Variants in WDHD1 observed in about 807,000 individuals in gnomAD.
The protein encoded by WDHD1 is WD repeat and HMG-box DNA binding protein 1.
In WDHD1, 111 loss-of-function variants were observed where a neutral mutation model predicts 135.4. That is an observed-to-expected ratio of 0.82 (90% CI 0.70 to 0.96). The LOEUF is 0.96. Among genes scored for constraint, WDHD1 ranks in the 40% least tolerant of loss-of-function variants. WDHD1 has a pLI of 0.00. For synonymous variants in WDHD1, 434 were observed against 439.0 expected (o/e 0.99, Z 0.14); for missense variants, 1,351 against 1,336.3 (o/e 1.01, Z -0.17).
At chr14:54,970,979 A>G (rs1465519813) in intron 16 of WDHD1, among the ~76,000 whole-genome samples, 4 of 152,202 alleles carry the variant, frequency 2.6e-5, no homozygotes, top group Admixed American at 2.6e-4. Flanking sequence ...GACAAAAACA[A>G]GGAACTGGGA....
chr14:55,012,435 G>A (rs2042186361), intron 3 of WDHD1, among the ~76,000 whole-genome samples: 1 of 152,142 alleles, frequency 6.6e-6, no homozygotes, highest in Non-Finnish European at 1.5e-5. Flanking sequence ...CTTTCTCCAA[G>A]TAACCTACAT....
intron 10 of WDHD1, among the ~76,000 whole-genome samples, chr14:54,996,014 C>G (rs771263596): frequency 2.0e-5 from 3 of 152,004 alleles, no homozygotes; most frequent in Non-Finnish European, 4.4e-5. Context: ...TTTCAAATGC[C>G]TTGTAGTCTG....
chr14:55,024,408 T>C (rs575355317), intron 2 of WDHD1, among the ~76,000 whole-genome samples: 11 of 152,348 alleles, frequency 7.2e-5, no homozygotes, highest in African/African-American at 2.6e-4. Context: ...AATGTAGACG[T>C]TATCCCTGTT....
chr14:55,010,489 T>C (rs1276707683), intron 3 of WDHD1, 29 bp from the exon 4 acceptor site: 3 of 1,510,762 alleles, frequency 2.0e-6, no homozygotes, highest in Admixed American at 2.2e-5. Context: ...TAAGAAACAT[T>C]AGCAAAACAA....
intron 2 of WDHD1, 22 bp downstream of exon 2, chr14:55,026,689 G>C (rs74359309): frequency 6.2e-7 from 1 of 1,612,328 alleles, no homozygotes; most frequent in South Asian, 1.1e-5. Flanking sequence ...CACCTAAAAC[G>C]TTGTTTCTCA....
rs776710009 is a variant in WDHD1 at position 55,007,319 on chromosome 14, T to C, written c.561A>G (p.Lys187=). ...GCTGCCAAGCAAGTCTGCAGATTGA[T>C]TTTGCATTTATCACATCGTTGCATT... ...LQKCNDVINA[K]SICRLAWQPK... The change falls in exon 7 of 26, where the codon AAA becomes AAG. Residue 187 remains lysine, a synonymous_variant. Coordinates refer to ENST00000360586, the MANE Select transcript of WDHD1 (RefSeq NM_007086.4). The C allele has an allele frequency of 6.2e-7, 1 of 1,607,680 alleles. No homozygotes were observed. Among genetic ancestry groups the C allele is most frequent in the Admixed American group, 1.7e-5 (1 of 59,456 alleles).
intron 7 of WDHD1, 62 bp downstream of exon 7, chr14:55,007,218 A>T: frequency 7.9e-7 from 1 of 1,263,708 alleles, no homozygotes; most frequent in Non-Finnish European, 1.1e-6. Context: ...ACAGAGTGAG[A>T]CTCCATCTCT....
intron 10 of WDHD1, 147 bp downstream of exon 10, chr14:55,000,356 T>C (rs2041958973): frequency 2.4e-6 from 2 of 819,732 alleles, no homozygotes; most frequent in Non-Finnish European, 3.3e-6. Flanking sequence ...AAGTAAGAAG[T>C]TTTCTTACTA....
At chr14:54,984,992 A>T in intron 14 of WDHD1, 132 bp from the exon 15 acceptor site, 1 of 1,120,426 alleles carries the variant, frequency 8.9e-7, no homozygotes, top group Non-Finnish European at 1.3e-6. Context: ...TGAATAACCC[A>T]TCCAACTGAG....
intron 7 of WDHD1, chr14:55,005,265 C>A: frequency 3.7e-6 from 2 of 537,256 alleles, no homozygotes; most frequent in South Asian, 2.8e-5. Flanking sequence ...ATGGTAGGTA[C>A]GTTAACATAA....
At chr14:54,948,686 T>C (rs1178000551) in intron 24 of WDHD1, among the ~76,000 whole-genome samples, 8 of 152,188 alleles carry the variant, frequency 5.3e-5, no homozygotes, top group Non-Finnish European at 1.2e-4. Context: ...GATCTGAGAA[T>C]GGACAGACTG....
chr14:54,988,417 C>T (rs929701403), intron 13 of WDHD1, among the ~76,000 whole-genome samples: 1 of 152,154 alleles, frequency 6.6e-6, no homozygotes, highest in Non-Finnish European at 1.5e-5. Context: ...GTTGAACTAA[C>T]TGCAAAGGGA....
chr14:54,953,772 C>T (rs565306336), intron 24 of WDHD1, among the ~76,000 whole-genome samples: 4 of 152,280 alleles, frequency 2.6e-5, no homozygotes, highest in African/African-American at 9.6e-5. Flanking sequence ...CACATATACA[C>T]CATGGAATAC....
At chr14:55,009,086 C>T (rs1255586485) in intron 4 of WDHD1, among the ~76,000 whole-genome samples, 5 of 152,118 alleles carry the variant, frequency 3.3e-5, no homozygotes, top group African/African-American at 7.2e-5. Flanking sequence ...TGAGCCACTA[C>T]GCCTGTCCAA....
rs566722302 is a variant in WDHD1 at position 54,980,195 on chromosome 14, A to C, written c.2063+1345T>G. 4.3e-4 allele frequency among the ~76,000 whole-genome samples: 66 copies of C among 152,040 alleles called. 1 individual carries two copies. In the South Asian group the frequency reaches 0.012, roughly 28 times the overall value. ...GCTGGGTGTGGTGGTGCGTGCCTGTAGTCCCAGCTACTTGGAAGGCTAAGG... is the reference window on the plus strand; with the variant it reads ...GCTGGGTGTGGTGGTGCGTGCCTGTCGTCCCAGCTACTTGGAAGGCTAAGG... On this transcript the variant is annotated intron_variant, in intron 16 of 25. Coordinates refer to ENST00000360586, the MANE Select transcript of WDHD1 (RefSeq NM_007086.4).
At chr14:54,966,278 T>C (rs968658970) in intron 18 of WDHD1, among the ~76,000 whole-genome samples, 197 bp downstream of exon 18, 8 of 150,880 alleles carry the variant, frequency 5.3e-5, no homozygotes, top group Non-Finnish European at 1.2e-4. Flanking sequence ...GAGGTTGCAG[T>C]GAGCCGAGAT....
At chr14:55,000,423 A>C in intron 10 of WDHD1, 80 bp downstream of exon 10, 1 of 1,365,738 alleles carries the variant, frequency 7.3e-7, no homozygotes, top group Non-Finnish European at 9.6e-7. Flanking sequence ...CCAAGAAAGT[A>C]AGGCAGTTTG....
chr14:54,956,304 G>GTA (rs2041157987), intron 23 of WDHD1, among the ~76,000 whole-genome samples: 1 of 152,032 alleles, frequency 6.6e-6, no homozygotes, highest in African/African-American at 2.4e-5. Flanking sequence ...TGGGGTCTGA[G>GTA]TATATATATT....
Position 55,011,524 on chromosome 14 carries a change from C to CAAAAAAA in WDHD1, c.190-1071_190-1065dup, listed in dbSNP as rs60615259. On this transcript the variant is annotated intron_variant, in intron 3 of 25. Transcript: ENST00000360586. ...AGGCAACAAGAGTGAAACTCTGTCTCAAAAAAAAAAAAAAAAAAAAAAAAA... is the reference window on the plus strand; with the variant it reads ...AGGCAACAAGAGTGAAACTCTGTCTCAAAAAAAAAAAAAAAAAAAAAAAAAAAAAAAA... Among the ~76,000 whole-genome samples, 438 of 50,996 alleles carry CAAAAAAA rather than the reference C, an allele frequency of 8.6e-3. 64 individuals carry two copies. The highest frequency in any genetic ancestry group is 0.035 in the African/African-American group (426 of 12,336). The allele number at this position is 50,996 out of a possible 152,430, so 33.5% of individuals were successfully genotyped here.
Sources: gnomAD v4.1 joint callset for allele counts (sites outside exome capture counted in the v4.1 genomes callset) on GRCh38, gnomAD v4.1.1 for gene constraint, MANE v1.5 for transcripts, NCBI Gene and HGNC (gene_info 2026-07-23, HGNC 2026-07-21) for gene names.